OLFM1: variants seen among roughly 807,000 people sequenced by gnomAD.
OLFM1 encodes the protein olfactomedin 1, also known as noelin.
In OLFM1, 9 loss-of-function variants were observed where a neutral mutation model predicts 49.7. That is an observed-to-expected ratio of 0.18 (90% CI 0.11 to 0.32). OLFM1 has a LOEUF of 0.32. OLFM1 is among the 10% of genes least tolerant of loss of function. OLFM1 has a pLI of 1.00. For synonymous variants in OLFM1, 240 were observed against 271.8 expected, an observed-to-expected ratio of 0.88 and a Z score of 1.15; for missense variants, 369 against 661.8, an observed-to-expected ratio of 0.56 and a Z score of 4.85.
chr9:135,102,643 C>G (rs375505428), intron 4 of OLFM1, among the ~76,000 whole-genome samples: 2 of 152,122 alleles, frequency 1.3e-5, no homozygotes, highest in Non-Finnish European at 2.9e-5. Context: ...CGAGGCCTGG[C>G]GGGGATGCAG....
At chr9:135,114,136 T>C (rs1286500902) in intron 5 of OLFM1, among the ~76,000 whole-genome samples, 6 of 116,320 alleles carry the variant, frequency 5.2e-5, no homozygotes, top group Non-Finnish European at 6.8e-5. Context: ...TTTTTTTTTT[T>C]TTTTTTTTTT....
At chr9:135,101,793 C>T (rs200072456) in intron 4 of OLFM1, among the ~76,000 whole-genome samples, 1 of 152,254 alleles carries the variant, frequency 6.6e-6, no homozygotes, top group Non-Finnish European at 1.5e-5. Flanking sequence ...CACGATGCTG[C>T]TCTACCCATG....
chr9:135,076,381 G>T (rs1830466634), intron 1 of OLFM1: 1 of 1,514,562 alleles, frequency 6.6e-7, no homozygotes, highest in Non-Finnish European at 8.9e-7. Flanking sequence ...GTGGCCACAT[G>T]CCCGGCAGGA....
At position 135,119,919 on chromosome 9, in the gene OLFM1, G is replaced by T. The variant is rs770455954; in HGVS notation, c.1199G>T (p.Arg400Leu). Residue 400 changes from arginine to leucine, a missense_variant, in exon 6 of 6, where the codon CGC becomes CTC. Physicochemically the swap from Arg to Leu is moderately radical, Grantham distance 102. Coordinates refer to ENST00000371793, the MANE Select transcript of OLFM1 (RefSeq NM_001282611.2). ...LQTWNTSYPKRSAGEAFIICG... is the reference protein window; with the variant it reads ...LQTWNTSYPKLSAGEAFIICG... ...ACCTGGAACACGAGCTACCCCAAGC[G>T]CAGCGCCGGGGAGGCCTTCATCATC... 6.2e-7 allele frequency: 1 copy of T among 1,613,500 alleles called. No homozygotes were observed. Among genetic ancestry groups the T allele is most frequent in the Admixed American group, 1.7e-5 (1 of 60,024 alleles).
chr9:135,108,494 G>A (rs544122107), intron 5 of OLFM1, among the ~76,000 whole-genome samples: 18 of 152,076 alleles, frequency 1.2e-4, no homozygotes, highest in Admixed American at 2.6e-4. Context: ...TTAGCCAGGC[G>A]TGGTGGCGTG....
rs971577481 is a variant in OLFM1 at position 135,119,965 on chromosome 9, C to G, written c.1245C>G (p.Thr415=). 1.7e-5 allele frequency: 27 copies of G among 1,613,694 alleles called. No homozygotes were observed. The highest frequency in any genetic ancestry group is 2.1e-5 in the Non-Finnish European group (25 of 1,180,014). The change falls in exon 6 of 6, where the codon ACC becomes ACG. Residue 415 remains threonine, a synonymous_variant. Coordinates refer to ENST00000371793, the MANE Select transcript of OLFM1 (RefSeq NM_001282611.2). ...AFIICGTLYV[T]NGYSGGTKVH... is the part of the protein sequence containing the mutation. ...TCATCTGCGGCACGCTGTACGTCAC[C>G]AACGGCTACTCAGGGGGTACCAAGG... is the stretch of plus-strand genomic sequence containing the variant.
chr9:135,096,645 G>C, intron 3 of OLFM1, among the ~76,000 whole-genome samples: 1 of 152,212 alleles, frequency 6.6e-6, no homozygotes, highest in South Asian at 2.1e-4. Context: ...ATATTAGCTG[G>C]GAAGGGACAT....
At chr9:135,108,795 G>A (rs528541304) in intron 5 of OLFM1, among the ~76,000 whole-genome samples, 1 of 152,302 alleles carries the variant, frequency 6.6e-6, no homozygotes, top group Admixed American at 6.5e-5. Flanking sequence ...GGACCTGCCT[G>A]CGTCGGGGTC....
rs1485794338 is a variant in OLFM1, at chr9:135,098,761, A to G, written c.676+256A>G. On this transcript the variant is annotated intron_variant, in intron 4 of 5. Coordinates refer to ENST00000371793, the MANE Select transcript of OLFM1 (RefSeq NM_001282611.2). The surrounding 1 kb of genome is among the most constrained non-coding windows in gnomAD (Gnocchi z 5.6). ...CTGAGTCGCACATCTGGAAAAAAAT[A>G]GCATACCATCTGGCAGATTGTGTGT... 6.6e-6 allele frequency among the ~76,000 whole-genome samples: 1 copy of G among 152,168 alleles called. No homozygotes were observed. The highest frequency in any genetic ancestry group is 1.5e-5 in the Non-Finnish European group (1 of 68,040).
chr9:135,087,474 C>T (rs752694878), upstream of OLFM1: 214 of 1,520,020 alleles, frequency 1.4e-4, no homozygotes, highest in Non-Finnish European at 1.8e-4. Context: ...GTGGTGTGTC[C>T]GTCTCCTCAT....
upstream of OLFM1, chr9:135,086,708 G>A (rs1830601631): frequency 2.2e-6 from 1 of 455,966 alleles, no homozygotes; most frequent in Non-Finnish European, 4.4e-6. Flanking sequence ...TGCGCTTCAG[G>A]TGGGACTGAC....
intron 1 of OLFM1, among the ~76,000 whole-genome samples, chr9:135,081,256 A>T (rs2119087063): frequency 6.6e-6 from 1 of 152,278 alleles, no homozygotes; most frequent in Non-Finnish European, 1.5e-5. Context: ...GAGAAACCTA[A>T]GTTCTGGTGC....
Position 135,119,978 on chromosome 9 carries a change from G to A in OLFM1, c.1258G>A (p.Gly420Arg). The A allele has an allele frequency of 6.2e-7, 1 of 1,613,700 alleles. No homozygotes were observed. The highest frequency in any genetic ancestry group is 2.2e-5 in the East Asian group (1 of 44,886). ...GCTGTACGTCACCAACGGCTACTCA[G>A]GGGGTACCAAGGTCCACTATGCATA... ...GTLYVTNGYS[G>R]GTKVHYAYQT... The change falls in exon 6 of 6, where the codon GGG (glycine) becomes AGG (arginine). Residue 420 changes from glycine to arginine, a missense_variant. By Grantham distance (125) the Gly-to-Arg change is moderately radical. Around this residue, in one of 3 missense-constraint regions of OLFM1, gnomAD observed 294 missense variants for 567.5 expected, o/e 0.52. Transcript: ENST00000371793.
chr9:135,078,502 A>T lies in OLFM1; in HGVS notation c.96+2700A>T, dbSNP rs1342508146. Among the ~76,000 whole-genome samples the T allele has an allele frequency of 4.6e-5, 7 of 152,350 alleles. No homozygotes were observed. The East Asian group carries it at 1.2e-3, about 25-fold the overall frequency. On this transcript the variant is annotated intron_variant, in intron 1 of 5. Transcript: ENST00000252854. ...ACACTCAATCAAACACCAACCGTTGATGGATGGCCTACGACACGCAAGGCT... is the reference window on the plus strand; with the variant it reads ...ACACTCAATCAAACACCAACCGTTGTTGGATGGCCTACGACACGCAAGGCT...
intron 5 of OLFM1, among the ~76,000 whole-genome samples, chr9:135,110,673 T>C (rs1276086908): frequency 2.0e-5 from 3 of 152,112 alleles, no homozygotes; most frequent in Admixed American, 6.5e-5. Context: ...GGAGGGACCT[T>C]CCCAGGACCG....
At chr9:135,102,537 T>C (rs1588214772) in intron 4 of OLFM1, among the ~76,000 whole-genome samples, 1 of 151,448 alleles carries the variant, frequency 6.6e-6, no homozygotes, top group Non-Finnish European at 1.5e-5. Flanking sequence ...GCGGTGAGAG[T>C]CTCCTGGAGG....
chr9:135,113,914 G>A lies in OLFM1; in HGVS notation c.784-5590G>A, dbSNP rs79325092. Among the ~76,000 whole-genome samples, 7,396 of 152,260 alleles carry A rather than the reference G, an allele frequency of 0.049. 206 individuals are homozygous for A. Among genetic ancestry groups the A allele is most frequent in the Non-Finnish European group, 0.063 (4,253 of 68,002 alleles). ...GAAGCCCCAGACCAGGGCGCCTGCA[G>A]GGCTGCGCTCTGAAGATGCCAGGGG... is the stretch of plus-strand genomic sequence containing the variant. On this transcript the variant is annotated intron_variant, in intron 5 of 5. Coordinates refer to ENST00000371793, the MANE Select transcript of OLFM1 (RefSeq NM_001282611.2). The surrounding 1 kb of genome is among the most constrained non-coding windows in gnomAD (Gnocchi z 4.0).
intron 1 of OLFM1, chr9:135,075,861 GC>G: frequency 6.6e-7 from 1 of 1,504,086 alleles, no homozygotes. Flanking sequence ...CCCCTCGGGA[GC>G]CCCACAAAGT....
chr9:135,097,894 T>G (rs1392325561), intron 3 of OLFM1: 2 of 1,576,602 alleles, frequency 1.3e-6, no homozygotes, highest in Non-Finnish European at 1.7e-6. Context: ...TTACTATTAT[T>G]TTCCAATACT....
Sources: allele counts gnomAD v4.1 joint callset (sites outside exome capture counted in the v4.1 genomes callset), GRCh38; gene constraint gnomAD v4.1.1; regional missense constraint gnomAD v4.1.1; non-coding constraint Gnocchi (gnomAD v3.1); transcripts MANE v1.5; gene names NCBI Gene and HGNC (gene_info 2026-07-23, HGNC 2026-07-21).